The following SLC29A3 variants were observed in gnomAD, a reference collection of about 807,000 sequenced individuals.
The protein encoded by SLC29A3 is equilibrative nucleoside transporter 3.
SLC29A3 carries 18 observed loss-of-function variants against 25.4 expected under a neutral mutation model. The observed-to-expected ratio is 0.71, with a 90% CI of 0.49 to 1.05. The LOEUF (loss-of-function observed/expected upper bound fraction) is 1.05, where lower values mean the gene tolerates loss of function less well. Among genes scored for constraint, SLC29A3 ranks in the 50% least tolerant of loss-of-function variants. The pLI is 0.00. For synonymous variants in SLC29A3, 258 were observed against 267.1 expected, an observed-to-expected ratio of 0.97 and a Z score of 0.33; for missense variants, 586 against 609.0, an observed-to-expected ratio of 0.96 and a Z score of 0.40.
rs1391816956 is a variant in SLC29A3 at position 71,362,302 on chromosome 10, C to T, written c.1122C>T (p.Pro374=). The change falls in exon 6 of 6, where the codon CCC becomes CCT. Residue 374 remains proline, a synonymous_variant. Transcript: ENST00000373189. ...CCGCCTGGATCCAGGTGCCAGGGCC[C>T]AATAGCAAGGCGCTCCCAGGGTTCG... The part of the protein sequence containing the change: ...QLTAWIQVPG[P]NSKALPGFVL... The T allele has an allele frequency of 6.2e-6, 10 of 1,614,180 alleles. No individual in the cohort carries two copies. Among genetic ancestry groups the T allele is most frequent in the Non-Finnish European group, 8.5e-6 (10 of 1,180,036 alleles).
intron 4 of SLC29A3, among the ~76,000 whole-genome samples, chr10:71,377,411 G>C (rs1185237634): frequency 6.6e-6 from 1 of 152,218 alleles, no homozygotes; most frequent in Non-Finnish European, 1.5e-5. Context: ...ACAGCTCCTA[G>C]AGCCAGGGAC....
At position 71,362,330 on chromosome 10, in the gene SLC29A3, C is replaced by T; in HGVS notation, c.1150C>T (p.Leu384Phe). 6.2e-7 allele frequency: 1 copy of T among 1,614,200 alleles called. No individual in the cohort carries two copies. The highest frequency in any genetic ancestry group is 1.1e-5 in the South Asian group (1 of 91,086). Residue 384 changes from leucine (L) to phenylalanine (F), a missense_variant, in exon 6 of 6, where the codon CTC (leucine) becomes TTC (phenylalanine). Coordinates refer to ENST00000373189, the MANE Select transcript of SLC29A3 (RefSeq NM_018344.6). The stretch of plus-strand genomic sequence containing the variant: ...TAGCAAGGCGCTCCCAGGGTTCGTG[C>T]TCCTCCGGACCTGCCTCATCCCCCT... ...PNSKALPGFV[L>F]LRTCLIPLFV...
intron 2 of SLC29A3, among the ~76,000 whole-genome samples, chr10:71,335,844 T>G (rs944093386): frequency 1.2e-4 from 18 of 151,638 alleles, no homozygotes; most frequent in African/African-American, 4.4e-4. Flanking sequence ...GAGGTGAGCT[T>G]CTCCTACCAC....
chr10:71,337,814 G>A (rs780661), intron 2 of SLC29A3, among the ~76,000 whole-genome samples: 21,490 of 152,204 alleles, frequency 0.14, 1,566 homozygotes, highest in South Asian at 0.19. Context: ...CCCTTAGCAC[G>A]GAGCCTCTCA....
At chr10:71,346,194 C>A (rs1421102053) in intron 3 of SLC29A3, among the ~76,000 whole-genome samples, 1 of 152,206 alleles carries the variant, frequency 6.6e-6, no homozygotes, top group African/African-American at 2.4e-5. Flanking sequence ...ACTCCTGGGC[C>A]ATGGGTCAGG....
chr10:71,349,560 T>C (rs1846692864), intron 3 of SLC29A3, among the ~76,000 whole-genome samples: 1 of 152,080 alleles, frequency 6.6e-6, no homozygotes, highest in African/African-American at 2.4e-5. Context: ...TGCCTGTTGT[T>C]TGTGGCTGTG....
At chr10:71,355,291 G>T (rs550802040) in intron 4 of SLC29A3, among the ~76,000 whole-genome samples, 28 of 152,356 alleles carry the variant, frequency 1.8e-4, no homozygotes, top group African/African-American at 6.7e-4. Context: ...GTTGGCACCC[G>T]AGTAGGTCGT....
At chr10:71,345,582 T>C (rs1353022351) in intron 3 of SLC29A3, among the ~76,000 whole-genome samples, 1 of 152,192 alleles carries the variant, frequency 6.6e-6, no homozygotes, top group Non-Finnish European at 1.5e-5. Context: ...TGCACCCTTC[T>C]CCAAACCAAA....
chr10:71,357,647 C>T (rs903046151), intron 5 of SLC29A3, among the ~76,000 whole-genome samples: 1 of 152,234 alleles, frequency 6.6e-6, no homozygotes, highest in Non-Finnish European at 1.5e-5. Context: ...GCTTGGACAA[C>T]TTGCTGCCTT....
At chr10:71,378,061 C>T (rs1847273453) in intron 4 of SLC29A3, among the ~76,000 whole-genome samples, 1 of 135,008 alleles carries the variant, frequency 7.4e-6, no homozygotes, top group African/African-American at 2.8e-5. Context: ...CAGGGCCAAT[C>T]CAGGTTTTAT....
At position 71,362,099 on chromosome 10, in the gene SLC29A3, A is replaced by T; in HGVS notation, c.919A>T (p.Ser307Cys). The T allele has an allele frequency of 1.9e-6, 3 of 1,614,088 alleles. No homozygotes were observed. Among genetic ancestry groups the T allele is most frequent in the Non-Finnish European group, 2.5e-6 (3 of 1,180,020 alleles). ...PLRPILKKTASLGFCVTYVFF... is the reference protein window; with the variant it reads ...PLRPILKKTACLGFCVTYVFF... ...CCGCCCCATCCTGAAGAAGACGGCCAGCCTGGGCTTCTGTGTCACCTACGT... is the reference window on the plus strand; with the variant it reads ...CCGCCCCATCCTGAAGAAGACGGCCTGCCTGGGCTTCTGTGTCACCTACGT... The change falls in exon 6 of 6, where the codon AGC (serine) becomes TGC (cysteine). Residue 307 changes from serine to cysteine, a missense_variant. Transcript: ENST00000373189.
At chr10:71,365,977 CTTTTTAA>C (rs1266751632), downstream of SLC29A3, 1 of 152,112 alleles carries the variant, frequency 6.6e-6, no homozygotes, top group African/African-American at 2.4e-5. Context: ...CATTTTCCTT[CTTTTTAA>C]TTTTTAATGT....
exon 5 of SLC29A3, chr10:71,380,445 A>T (rs1217306462): frequency 6.6e-6 from 1 of 152,094 alleles, no homozygotes; most frequent in Non-Finnish European, 1.5e-5. Context: ...CCCTCCCCTG[A>T]GGTTGTTCTA....
chr10:71,375,961 A>G (rs1301761490), intron 4 of SLC29A3: 5 of 152,352 alleles, frequency 3.3e-5, no homozygotes, highest in Non-Finnish European at 5.9e-5. Flanking sequence ...AAAGCTGGCC[A>G]TTTTTCAGAA....
intron 5 of SLC29A3, among the ~76,000 whole-genome samples, chr10:71,359,284 T>C (rs1362782554): frequency 6.6e-6 from 1 of 152,124 alleles, no homozygotes; most frequent in African/African-American, 2.4e-5. Flanking sequence ...TCTCTAAGGA[T>C]GGGGCTCATG....
chr10:71,326,437 G>A (rs990803538), intron 2 of SLC29A3, among the ~76,000 whole-genome samples: 12 of 152,332 alleles, frequency 7.9e-5, no homozygotes, highest in East Asian at 3.9e-4. Context: ...TTCCACAGGC[G>A]CAGGCTTAGC....
At chr10:71,321,387 C>G (rs1441476187) in intron 1 of SLC29A3, among the ~76,000 whole-genome samples, 1 of 152,170 alleles carries the variant, frequency 6.6e-6, no homozygotes, top group Non-Finnish European at 1.5e-5. Context: ...CTATAGAAAC[C>G]AAGATGCATT....
intron 5 of SLC29A3, among the ~76,000 whole-genome samples, chr10:71,359,902 A>G (rs1847010937): frequency 6.6e-6 from 1 of 152,226 alleles, no homozygotes; most frequent in South Asian, 2.1e-4. Flanking sequence ...AGAGAGGTTG[A>G]GTGGCTCAGG....
At chr10:71,328,514 T>A (rs1846026125) in intron 2 of SLC29A3, among the ~76,000 whole-genome samples, 1 of 152,192 alleles carries the variant, frequency 6.6e-6, no homozygotes, top group African/African-American at 2.4e-5. Context: ...ACTGTTATCA[T>A]CCACCATGAC....
Sources: gnomAD v4.1 joint callset for allele counts (sites outside exome capture counted in the v4.1 genomes callset) on GRCh38, gnomAD v4.1.1 for gene constraint, MANE v1.5 for transcripts, NCBI Gene and HGNC (gene_info 2026-07-23, HGNC 2026-07-21) for gene names.